The following ICA1 variants were observed in gnomAD, a reference collection of about 807,000 sequenced individuals.
ICA1 encodes islet cell autoantigen 1.
Under a neutral mutation model 71.0 loss-of-function variants are expected in ICA1, and 40 were observed. The observed-to-expected ratio is 0.56, with a 90% CI of 0.44 to 0.73. The LOEUF (loss-of-function observed/expected upper bound fraction) is 0.73. ICA1 is among the 30% of genes least tolerant of loss of function. The probability of loss-of-function intolerance (pLI) is 0.00; values close to 1 mark genes in which losing one functional copy is unlikely to be tolerated. For synonymous variants in ICA1, 207 were observed against 209.5 expected, an observed-to-expected ratio of 0.99 and a Z score of 0.10; for missense variants, 578 against 576.5, an observed-to-expected ratio of 1.00 and a Z score of -0.03.
intron 8 of ICA1, among the ~76,000 whole-genome samples, chr7:8,145,638 G>T (rs1481305388): frequency 6.6e-6 from 1 of 151,394 alleles, no homozygotes; most frequent in East Asian, 1.9e-4. Flanking sequence ...CATGCAGCAA[G>T]TCTGATAAAA....
At chr7:8,171,678 C>A (rs1808414097) in intron 6 of ICA1, among the ~76,000 whole-genome samples, 1 of 148,464 alleles carries the variant, frequency 6.7e-6, no homozygotes, top group Admixed American at 6.9e-5. Flanking sequence ...GTTCTTTTTT[C>A]CTAGTTTCTT....
chr7:8,189,675 C>A (rs1439550795), intron 6 of ICA1, among the ~76,000 whole-genome samples: 1 of 152,112 alleles, frequency 6.6e-6, no homozygotes, highest in Non-Finnish European at 1.5e-5. Flanking sequence ...CCTCACTGAA[C>A]CCCCAGCTCC....
intron 12 of ICA1, among the ~76,000 whole-genome samples, chr7:8,135,086 G>A (rs141555500): frequency 0.011 from 1,661 of 152,044 alleles, 12 homozygotes; most frequent in Non-Finnish European, 0.017. Flanking sequence ...GAGTGCAGTG[G>A]TGCAATCTCG....
intron 9 of ICA1, 52 bp downstream of exon 9, chr7:8,143,823 T>A: frequency 8.4e-7 from 1 of 1,196,108 alleles, no homozygotes; most frequent in Non-Finnish European, 1.2e-6. Context: ...GAGAACCACA[T>A]AACTCTCACC....
chr7:8,256,160 C>T (rs1810079817), intron 1 of ICA1, among the ~76,000 whole-genome samples: 2 of 152,216 alleles, frequency 1.3e-5, no homozygotes, highest in Admixed American at 1.3e-4. Flanking sequence ...TTTCTATCTT[C>T]ACAGCTTAGG....
intron 1 of ICA1, among the ~76,000 whole-genome samples, chr7:8,250,503 C>T (rs1807796519): frequency 6.6e-6 from 1 of 152,034 alleles, no homozygotes; most frequent in African/African-American, 2.4e-5. Context: ...TTTTTCCTAC[C>T]TCTGAGATAT....
At chr7:8,154,399 T>C (rs1353356744) in intron 8 of ICA1, among the ~76,000 whole-genome samples, 1 of 152,200 alleles carries the variant, frequency 6.6e-6, no homozygotes, top group African/African-American at 2.4e-5. Context: ...TTAATTATCA[T>C]CCTTCATCAA....
chr7:8,165,601 A>G (rs1315316380), intron 6 of ICA1, among the ~76,000 whole-genome samples: 3 of 152,226 alleles, frequency 2.0e-5, no homozygotes, highest in Non-Finnish European at 4.4e-5. Context: ...TTTGCAGATA[A>G]TAATACTCTA....
intron 6 of ICA1, among the ~76,000 whole-genome samples, chr7:8,187,250 A>G (rs1784192618): frequency 6.6e-6 from 1 of 152,238 alleles, no homozygotes; most frequent in Non-Finnish European, 1.5e-5. Context: ...ATTACACATG[A>G]GATGGCCTAT....
rs557952930 is a variant in ICA1, at chr7:8,240,248, C to A, written c.-79-4243G>T. Reference sequence around the variant, plus strand: ...TTCTGCAATATTTGCTATTCTGCAGCCTCTGCTGGCGATACCCAGGCAAAC... The same window carrying A: ...TTCTGCAATATTTGCTATTCTGCAGACTCTGCTGGCGATACCCAGGCAAAC... On this transcript the variant is annotated intron_variant, in intron 1 of 13. Coordinates refer to ENST00000402384, the MANE Select transcript of ICA1 (RefSeq NM_001136020.3). Among the ~76,000 whole-genome samples, 6 of 78,828 alleles carry A rather than the reference C, an allele frequency of 7.6e-5. No individual in the cohort carries two copies. In the South Asian group the frequency reaches 2.0e-3, roughly 27 times the overall value. 51.7% of individuals were successfully genotyped at this position (78,828 alleles called of 152,430 possible). A position where few individuals can be genotyped will look rare whatever the true frequency, so the allele number is the denominator to read the frequency against.
At chr7:8,207,315 T>C (rs549639084) in intron 6 of ICA1, among the ~76,000 whole-genome samples, 1 of 152,366 alleles carries the variant, frequency 6.6e-6, no homozygotes, top group African/African-American at 2.4e-5. Context: ...TGTGGGAATT[T>C]CATTTCAGAG....
intron 6 of ICA1, among the ~76,000 whole-genome samples, chr7:8,163,786 G>A (rs1306100114): frequency 6.6e-6 from 1 of 152,152 alleles, no homozygotes; most frequent in South Asian, 2.1e-4. Context: ...GTGTAGCTGC[G>A]TTGCTCAGAA....
chr7:8,249,255 T>C (rs1807268826), intron 1 of ICA1, among the ~76,000 whole-genome samples: 1 of 152,232 alleles, frequency 6.6e-6, no homozygotes, highest in South Asian at 2.1e-4. Flanking sequence ...TAATTAGTCA[T>C]TGCTGGAGAG....
chr7:8,146,443 G>T (rs1427236984), intron 8 of ICA1, among the ~76,000 whole-genome samples: 1 of 152,150 alleles, frequency 6.6e-6, no homozygotes, highest in Admixed American at 6.5e-5. Context: ...GGATAAAGAG[G>T]TCAGCAGGGG....
At chr7:8,145,746 G>GTATATATATATATATA (rs199855161) in intron 8 of ICA1, among the ~76,000 whole-genome samples, 8 of 33,524 alleles carry the variant, frequency 2.4e-4, no homozygotes, top group Middle Eastern at 0.045. Context: ...TGGAATCATT[G>GTATATATATATATATA]TGTATATATA....
intron 12 of ICA1, among the ~76,000 whole-genome samples, chr7:8,129,243 C>A (rs1032648995): frequency 4.6e-5 from 7 of 151,578 alleles, no homozygotes; most frequent in African/African-American, 1.7e-4. Context: ...TGTTAATTCA[C>A]AAAGAGAAGA....
intron 6 of ICA1, among the ~76,000 whole-genome samples, chr7:8,172,151 T>C (rs974663869): frequency 1.8e-4 from 27 of 152,084 alleles, no homozygotes; most frequent in African/African-American, 6.0e-4. Context: ...TATTGATTTC[T>C]GTCTATTTCT....
intron 1 of ICA1, among the ~76,000 whole-genome samples, chr7:8,256,227 C>T (rs929184085): frequency 6.6e-6 from 1 of 152,184 alleles, no homozygotes; most frequent in Non-Finnish European, 1.5e-5. Flanking sequence ...CAACACTGCC[C>T]GACCTATCAC....
rs1260356614 is a variant in ICA1, at chr7:8,223,756, C to T, written c.257-2358G>A. Among the ~76,000 whole-genome samples the T allele has an allele frequency of 6.6e-6, 1 of 152,068 alleles. No individual in the cohort carries two copies. The highest frequency in any genetic ancestry group is 1.5e-5 in the Non-Finnish European group (1 of 68,010). On this transcript the variant is annotated intron_variant, in intron 4 of 13. Coordinates refer to ENST00000402384, the MANE Select transcript of ICA1 (RefSeq NM_001136020.3). The surrounding 1 kb of genome is among the most constrained non-coding windows in gnomAD (Gnocchi z 4.1). ...CAGCCTGTGCAACATAGCAAGACCCCTGTCTCTATTACAAGAAGAAAGCAA... is the reference window on the plus strand; with the variant it reads ...CAGCCTGTGCAACATAGCAAGACCCTTGTCTCTATTACAAGAAGAAAGCAA...
Sources: gnomAD v4.1 joint callset for allele counts (sites outside exome capture counted in the v4.1 genomes callset) on GRCh38, gnomAD v4.1.1 for gene constraint, Gnocchi (gnomAD v3.1) non-coding constraint, MANE v1.5 for transcripts, NCBI Gene and HGNC (gene_info 2026-07-23, HGNC 2026-07-21) for gene names.